TAOK2: variants seen among roughly 807,000 people sequenced by gnomAD.
TAOK2 encodes serine/threonine-protein kinase TAO2.
In TAOK2, 42 loss-of-function variants were observed where a neutral mutation model predicts 122.5. The observed-to-expected ratio is 0.34, with a 90% CI of 0.27 to 0.44. The LOEUF (loss-of-function observed/expected upper bound fraction) is 0.44, where lower values mean the gene tolerates loss of function less well. Ranked by LOEUF, TAOK2 falls within the 20% of genes least tolerant of loss-of-function variation. The pLI, the probability that TAOK2 is intolerant of heterozygous loss-of-function variation, is 1.00. For missense variants in TAOK2, 1,264 were observed against 1,644.9 expected (o/e 0.77, Z 4.01); for synonymous variants, 704 against 677.6 (o/e 1.04, Z -0.61).
intron 1 of TAOK2, among the ~76,000 whole-genome samples, chr16:29,975,843 A>T (rs2069437692): frequency 6.6e-6 from 1 of 152,208 alleles, no homozygotes; most frequent in Non-Finnish European, 1.5e-5. Context: ...TCTCATTAAA[A>T]TCTTAACAAC....
rs369839391 is a variant in TAOK2 at position 29,987,794 on chromosome 16, G to A, written c.3522G>A (p.Pro1174=). 6.2e-6 allele frequency: 10 copies of A among 1,613,652 alleles called. No homozygotes were observed. The highest frequency in any genetic ancestry group is 1.3e-5 in the African/African-American group (1 of 74,928). ...ASQGLASHLP[P]WAIHTLASWG... ...AGGGTTTAGCATCCCACTTGCCCCC[G>A]TGGGCCATCCACACACTGGCCAGCT... Residue 1174 remains proline (P), a synonymous_variant, in exon 16 of 16, where the codon CCG becomes CCA. Coordinates refer to ENST00000308893, the MANE Select transcript of TAOK2 (RefSeq NM_016151.4).
downstream of TAOK2, chr16:29,989,509 G>C: frequency 1.3e-6 from 2 of 1,590,702 alleles, no homozygotes; most frequent in East Asian, 2.3e-5. Flanking sequence ...CATTTCCCCT[G>C]GTTGTTCCTC....
rs2069384492 is a variant in TAOK2 at position 29,974,252 on chromosome 16, A to C, written c.-432A>C. ...CCAGATATCCGGGACTCGGGTCCCA[A>C]CCTCTCTAAACCTGGGTCTCTGTTT... On this transcript the variant is annotated 5_prime_UTR_variant, in exon 1 of 16. Coordinates refer to ENST00000308893, the MANE Select transcript of TAOK2 (RefSeq NM_016151.4). 1 of 152,412 alleles carries C rather than the reference A, an allele frequency of 6.6e-6. No homozygotes were observed. Among genetic ancestry groups the C allele is most frequent in the South Asian group, 2.1e-4 (1 of 4,830 alleles). 9.4% of individuals were successfully genotyped at this position (152,412 alleles called of 1,614,324 possible).
downstream of TAOK2, chr16:29,990,513 T>G (rs2069941097): frequency 6.8e-6 from 2 of 295,596 alleles, no homozygotes; most frequent in Admixed American, 9.8e-5. Context: ...CATAATTTAT[T>G]TAACCCATCC....
chr16:29,975,607 C>T (rs1285707584), intron 1 of TAOK2, among the ~76,000 whole-genome samples: 1 of 152,206 alleles, frequency 6.6e-6, no homozygotes, highest in Non-Finnish European at 1.5e-5. Context: ...ATGGAGTTTT[C>T]TATCCACTGT....
rs774894837 is a variant in TAOK2 at position 29,978,228 on chromosome 16, C to T, written c.205-24C>T. The T allele has an allele frequency of 6.8e-6, 11 of 1,613,708 alleles. No homozygotes were observed. The East Asian group carries it at 2.2e-4, about 33-fold the overall frequency. On this transcript the variant is annotated intron_variant, in intron 3 of 15. Transcript: ENST00000308893. Reference sequence around the variant, plus strand: ...CTGTCTCAAGATGCAAGCTGGGTAACCTCTGCCTACCCTGACCCCCTAGAA... The same window carrying T: ...CTGTCTCAAGATGCAAGCTGGGTAATCTCTGCCTACCCTGACCCCCTAGAA...
chr16:29,977,805 G>A lies in TAOK2; in HGVS notation c.33G>A (p.Lys11=). The A allele has an allele frequency of 1.9e-6, 3 of 1,614,216 alleles. No homozygotes were observed. Among genetic ancestry groups the A allele is most frequent in the Non-Finnish European group, 2.5e-6 (3 of 1,180,016 alleles). The part of the protein sequence containing the change: MPAGGRAGSL[K]DPDVAELFFK... The stretch of plus-strand genomic sequence containing the variant: ...CTGGGGGCCGGGCCGGGAGCCTGAA[G>A]GACCCAGATGTGGCTGAGCTCTTCT... The change falls in exon 2 of 16, where the codon AAG becomes AAA. Residue 11 remains lysine, a synonymous_variant. Coordinates refer to ENST00000308893, the MANE Select transcript of TAOK2 (RefSeq NM_016151.4).
intron 1 of TAOK2, among the ~76,000 whole-genome samples, chr16:29,976,294 C>T (rs1395557704): frequency 6.6e-6 from 1 of 152,140 alleles, no homozygotes; most frequent in Non-Finnish European, 1.5e-5. Flanking sequence ...TTTGAGCAAC[C>T]TGCGAGCTGC....
At position 29,986,478 on chromosome 16, in the gene TAOK2, G is replaced by A. The variant is rs796285883; in HGVS notation, c.2206G>A (p.Val736Ile). ...GTTGCGGCAGAAGCATGCGGCCCAG[G>A]TTCGCCAGCAGCCCAAGAGCCTCAA... ...QELRQKHAAQ[V>I]RQQPKSLKVR... Residue 736 changes from valine (V) to isoleucine (I), a missense_variant, in exon 16 of 16, where the codon GTT becomes ATT. By Grantham distance (29) the Val-to-Ile change is conservative. Coordinates refer to ENST00000308893, the MANE Select transcript of TAOK2 (RefSeq NM_016151.4). This position sits in a 1 kb window ranked among gnomAD's most constrained non-coding sequence, Gnocchi z 4.2. 2 of 1,604,602 alleles carry A rather than the reference G, an allele frequency of 1.2e-6. No individual in the cohort carries two copies.
chr16:29,986,204 C>G lies in TAOK2; in HGVS notation c.1993-61C>G. The G allele has an allele frequency of 6.6e-7, 1 of 1,503,810 alleles. No individual in the cohort carries two copies. Among genetic ancestry groups the G allele is most frequent in the East Asian group, 2.3e-5 (1 of 42,770 alleles). 93.2% of individuals were successfully genotyped at this position (1,503,810 alleles called of 1,614,324 possible). A position where few individuals can be genotyped will look rare whatever the true frequency, so the allele number is the denominator to read the frequency against. On this transcript the variant is annotated intron_variant, in intron 15 of 15. Coordinates refer to ENST00000308893, the MANE Select transcript of TAOK2 (RefSeq NM_016151.4). This position sits in a 1 kb window ranked among gnomAD's most constrained non-coding sequence, Gnocchi z 4.2. ...TCCCCAGCTCCCTCTGCCAAGGAGCCCTGGCCTCTCACTTCCTTGATACTG... is the reference window on the plus strand; with the variant it reads ...TCCCCAGCTCCCTCTGCCAAGGAGCGCTGGCCTCTCACTTCCTTGATACTG...
At chr16:29,990,607 C>A, downstream of TAOK2, 1 of 538,602 alleles carries the variant, frequency 1.9e-6, no homozygotes, top group Non-Finnish European at 3.1e-6. Flanking sequence ...TGCAAGTATA[C>A]CTGGGGGATA....
chr16:29,991,119 C>G (rs774567542), downstream of TAOK2: 2 of 1,605,014 alleles, frequency 1.2e-6, no homozygotes, highest in South Asian at 1.1e-5. This position sits in a 1 kb window ranked among gnomAD's most constrained non-coding sequence, Gnocchi z 5.6. Flanking sequence ...GCGGCAGGCC[C>G]GTGAGATCGA....
Position 29,986,438 on chromosome 16 carries a change from G to A in TAOK2, c.2166G>A (p.Lys722=). Residue 722 remains lysine (K), a synonymous_variant, in exon 16 of 16, where the codon AAG becomes AAA. Coordinates refer to ENST00000308893, the MANE Select transcript of TAOK2 (RefSeq NM_016151.4). This position sits in a 1 kb window ranked among gnomAD's most constrained non-coding sequence, Gnocchi z 4.2. ...TGGGCAACCAGCTGGAGTACAACAA[G>A]CGGCGTGAGCAAGAGTTGCGGCAGA... ...TELGNQLEYN[K]RREQELRQKH... is the part of the protein sequence containing the mutation. 1 of 1,608,758 alleles carries A rather than the reference G, an allele frequency of 6.2e-7. No individual in the cohort carries two copies. The highest frequency in any genetic ancestry group is 8.5e-7 in the Non-Finnish European group (1 of 1,177,594).
chr16:29,976,119 G>A (rs761241834), intron 1 of TAOK2, among the ~76,000 whole-genome samples: 20 of 152,192 alleles, frequency 1.3e-4, no homozygotes, highest in Non-Finnish European at 8.8e-5. Context: ...CCAGTGGGTG[G>A]CACCCCTCCG....
At chr16:29,989,313 AC>A (rs1161399343), downstream of TAOK2, 1 of 981,236 alleles carries the variant, frequency 1.0e-6, no homozygotes, top group Non-Finnish European at 1.2e-6. Flanking sequence ...TGCTCTTGGA[AC>A]CTCTTGTCTT....
Position 29,985,878 on chromosome 16 carries a change from C to CT in TAOK2, c.1992+18dup. The CT allele has an allele frequency of 6.2e-7, 1 of 1,609,048 alleles. No individual in the cohort carries two copies. Among genetic ancestry groups the CT allele is most frequent in the Non-Finnish European group, 8.5e-7 (1 of 1,178,348 alleles). ...CTGCGGGAGGTAGGCATCCCAATCT[C>CT]TGTTCCCCTCCCGCTCACTCGTGGA... On this transcript the variant is annotated intron_variant, in intron 15 of 15. Coordinates refer to ENST00000308893, the MANE Select transcript of TAOK2 (RefSeq NM_016151.4). This position sits in a 1 kb window ranked among gnomAD's most constrained non-coding sequence, Gnocchi z 6.9.
chr16:29,986,913 C>A lies in TAOK2; in HGVS notation c.2641C>A (p.Leu881Met). 6.2e-7 allele frequency: 1 copy of A among 1,613,650 alleles called. No individual in the cohort carries two copies. Among genetic ancestry groups the A allele is most frequent in the Non-Finnish European group, 8.5e-7 (1 of 1,179,596 alleles). Residue 881 changes from leucine to methionine, a missense_variant, in exon 16 of 16, where the codon CTG (leucine) becomes ATG (methionine). Physicochemically the swap from Leu to Met is conservative, Grantham distance 15. Transcript: ENST00000308893. This position sits in a 1 kb window ranked among gnomAD's most constrained non-coding sequence, Gnocchi z 4.2. ...GTGGGGGAAGGAGGATGAGAGTCTT[C>A]TGGATGAGGAGTTTGAGCTTGGCTG... ...SLWGKEDESL[L>M]DEEFELGWVQ...
At chr16:29,982,058 C>G in intron 10 of TAOK2, 118 bp downstream of exon 10, 2 of 792,984 alleles carry the variant, frequency 2.5e-6, no homozygotes, top group South Asian at 1.6e-5. Flanking sequence ...TTGATGAATT[C>G]CCACCCCATC....
In TAOK2 at chr16:29,977,732, C is replaced by A; in HGVS notation, c.-35-6C>A. 1 of 1,610,434 alleles carries A rather than the reference C, an allele frequency of 6.2e-7. No homozygotes were observed. On this transcript the variant is annotated splice_region_variant and splice_polypyrimidine_tract_variant and intron_variant, in intron 1 of 15. Coordinates refer to ENST00000308893, the MANE Select transcript of TAOK2 (RefSeq NM_016151.4). ...GATCTCTAAGGGTCCCATTTCCATT[C>A]CTCAGGCCAGGCCCCACTCTCAGGG...
Sources: gnomAD v4.1 joint callset for allele counts (sites outside exome capture counted in the v4.1 genomes callset) on GRCh38, gnomAD v4.1.1 for gene constraint, Gnocchi (gnomAD v3.1) non-coding constraint, MANE v1.5 for transcripts, NCBI Gene and HGNC (gene_info 2026-07-23, HGNC 2026-07-21) for gene names.